Variants in CTNNBL1 observed in about 807,000 individuals in gnomAD.
CTNNBL1 encodes catenin beta like 1.
In CTNNBL1, 31 loss-of-function variants were observed where a neutral mutation model predicts 72.7. The ratio of observed to expected loss-of-function variants is 0.43; its 90% CI spans 0.32 to 0.58. CTNNBL1 has a LOEUF of 0.58. CTNNBL1 is among the 20% of genes least tolerant of loss of function. CTNNBL1 has a pLI of 0.08. For synonymous variants in CTNNBL1, 240 were observed against 267.3 expected (o/e 0.90, Z 1.00); for missense variants, 534 against 725.1 (o/e 0.74, Z 3.03).
rs759779462 is a variant in CTNNBL1, at chr20:37,802,899, A to G, written c.1064A>G (p.Lys355Arg). The change falls in exon 11 of 16, where the codon AAA (lysine) becomes AGA (arginine). Residue 355 changes from lysine (K) to arginine (R), a missense_variant. Transcript: ENST00000361383. ...EKKISRSSAL[K>R]VLDHAMIGPE... ...AAGATCTCCCGGAGCAGTGCCCTGA[A>G]AGTGCTGGACCATGCCATGATTGGC... 6.2e-6 allele frequency: 10 copies of G among 1,613,982 alleles called. No individual in the cohort carries two copies. The highest frequency in any genetic ancestry group is 8.5e-6 in the Non-Finnish European group (10 of 1,179,918).
At chr20:37,696,588 C>T (rs966166679) in intron 1 of CTNNBL1, among the ~76,000 whole-genome samples, 1 of 139,352 alleles carries the variant, frequency 7.2e-6, no homozygotes, top group African/African-American at 2.7e-5. Flanking sequence ...GGATTACGGG[C>T]ATGCGCCACC....
At chr20:37,725,938 C>T (rs538574452) in intron 1 of CTNNBL1, among the ~76,000 whole-genome samples, 2 of 152,032 alleles carry the variant, frequency 1.3e-5, no homozygotes, top group Admixed American at 1.3e-4. Flanking sequence ...GAGCCGAGAT[C>T]GCACCACTGC....
chr20:37,814,506 A>AGGT (rs2072037731), intron 11 of CTNNBL1, among the ~76,000 whole-genome samples: 2 of 152,152 alleles, frequency 1.3e-5, no homozygotes, highest in African/African-American at 4.8e-5. Context: ...GTTACCTTGC[A>AGGT]AAGTTACGTG....
chr20:37,788,703 C>T (rs992102278), intron 10 of CTNNBL1, among the ~76,000 whole-genome samples: 6 of 152,228 alleles, frequency 3.9e-5, no homozygotes, highest in South Asian at 2.1e-4. Flanking sequence ...TCTCTTCTTC[C>T]GTTATCCTCC....
chr20:37,705,926 C>T (rs1004534050), intron 1 of CTNNBL1, among the ~76,000 whole-genome samples: 4 of 152,154 alleles, frequency 2.6e-5, no homozygotes, highest in Non-Finnish European at 5.9e-5. Context: ...TATTGGCATC[C>T]CTTGGAGATA....
At chr20:37,845,655 C>T (rs541908372) in intron 13 of CTNNBL1, among the ~76,000 whole-genome samples, 4 of 152,312 alleles carry the variant, frequency 2.6e-5, no homozygotes, top group South Asian at 2.1e-4. Flanking sequence ...TAGAACAATA[C>T]GACCTCCTTT....
At chr20:37,694,653 A>G (rs1051670689) in intron 1 of CTNNBL1, among the ~76,000 whole-genome samples, 1 of 152,212 alleles carries the variant, frequency 6.6e-6, no homozygotes, top group African/African-American at 2.4e-5. Flanking sequence ...TGAGGACTGT[A>G]CCAACTGATA....
At chr20:37,754,118 A>G (rs1306109037) in intron 4 of CTNNBL1, among the ~76,000 whole-genome samples, 1 of 152,166 alleles carries the variant, frequency 6.6e-6, no homozygotes, top group African/African-American at 2.4e-5. Flanking sequence ...TTTTGAGGCT[A>G]CTGTTTAATA....
chr20:37,871,072 CA>C (rs1568821314), intron 15 of CTNNBL1, among the ~76,000 whole-genome samples: 3 of 152,066 alleles, frequency 2.0e-5, no homozygotes, highest in Non-Finnish European at 2.9e-5. Flanking sequence ...TTCCCATTCC[CA>C]AAAAAAGGTT....
chr20:37,698,197 T>A (rs13037287), intron 1 of CTNNBL1, among the ~76,000 whole-genome samples: 6,200 of 152,304 alleles, frequency 0.041, 220 homozygotes, highest in Non-Finnish European at 0.061. Flanking sequence ...TAATTCAGGT[T>A]GACAACACTG....
intron 10 of CTNNBL1, among the ~76,000 whole-genome samples, chr20:37,798,661 A>T (rs1179146101): frequency 5.3e-5 from 8 of 152,080 alleles, no homozygotes. Flanking sequence ...CTCAAGAAGG[A>T]TTTTACTTTT....
Position 37,739,292 on chromosome 20 carries a change from T to C in CTNNBL1, c.326+1808T>C, listed in dbSNP as rs139221421. On this transcript the variant is annotated intron_variant, in intron 3 of 15. Transcript: ENST00000361383. ...GTATTTGTTTCTACTTAAATCATAC[T>C]GTGCATATTCTGCACCTTGATTTTT... Among the ~76,000 whole-genome samples the C allele has an allele frequency of 4.5e-3, 678 of 152,322 alleles. 1 individual carries two copies. The highest frequency in any genetic ancestry group is 0.016 in the African/African-American group (655 of 41,566).
chr20:37,842,161 AG>A lies in CTNNBL1; in HGVS notation c.1312-177del, dbSNP rs1057302479. The stretch of plus-strand genomic sequence containing the variant: ...CTAAGTGTTTGCTTTGTTCTGCCCC[AG>A]CCCTTTGATCCATTCCTGATGTGTC... On this transcript the variant is annotated intron_variant, in intron 12 of 15. Transcript: ENST00000361383. The A allele has an allele frequency of 5.0e-6, 3 of 594,608 alleles. No individual in the cohort carries two copies. In the African/African-American group the frequency reaches 5.6e-5, roughly 11 times the overall value. The allele number at this position is 594,608 out of a possible 1,614,324, so 36.8% of individuals were successfully genotyped here. A position where few individuals can be genotyped will look rare whatever the true frequency, so the allele number is the denominator to read the frequency against.
At chr20:37,800,830 A>G (rs572117018) in intron 10 of CTNNBL1, among the ~76,000 whole-genome samples, 9 of 152,274 alleles carry the variant, frequency 5.9e-5, no homozygotes, top group Admixed American at 4.6e-4. Context: ...GCGTACCTCA[A>G]ACACACCAGT....
intron 3 of CTNNBL1, 30 bp downstream of exon 3, chr20:37,737,514 T>A: frequency 6.9e-7 from 1 of 1,445,852 alleles, no homozygotes; most frequent in South Asian, 1.2e-5. Context: ...ATACCATGTC[T>A]CCTCTGTGGC....
chr20:37,746,611 T>G lies in CTNNBL1; in HGVS notation c.466+4T>G. 1 of 1,614,018 alleles carries G rather than the reference T, an allele frequency of 6.2e-7. No individual in the cohort carries two copies. The highest frequency in any genetic ancestry group is 8.5e-7 in the Non-Finnish European group (1 of 1,179,908). On this transcript the variant is annotated splice_donor_region_variant and intron_variant, in intron 4 of 15. Transcript: ENST00000361383. ...TTGCTCGGACACGATAATACAGATA[T>G]CCTTTCAGATCTGACCTCAGTAGGA... is the stretch of plus-strand genomic sequence containing the variant.
At chr20:37,844,378 A>C (rs2072329789) in intron 13 of CTNNBL1, among the ~76,000 whole-genome samples, 3 of 152,154 alleles carry the variant, frequency 2.0e-5, no homozygotes, top group Non-Finnish European at 4.4e-5. Context: ...CTCAAGCTTC[A>C]TGTTTTCCCT....
At chr20:37,724,471 G>A (rs2073066449) in intron 1 of CTNNBL1, among the ~76,000 whole-genome samples, 1 of 152,186 alleles carries the variant, frequency 6.6e-6, no homozygotes, top group Non-Finnish European at 1.5e-5. Flanking sequence ...AAGTGGAAAG[G>A]TTTCTCCTCA....
intron 1 of CTNNBL1, 147 bp from the exon 2 acceptor site, chr20:37,732,732 A>G (rs906442304): frequency 1.0e-5 from 6 of 595,026 alleles, no homozygotes; most frequent in Admixed American, 6.5e-5. Flanking sequence ...GGGTTTTACC[A>G]TGTTGCCTCA....
Sources: allele counts gnomAD v4.1 joint callset (sites outside exome capture counted in the v4.1 genomes callset), GRCh38; gene constraint gnomAD v4.1.1; transcripts MANE v1.5; gene names NCBI Gene and HGNC (gene_info 2026-07-23, HGNC 2026-07-21).